Variants in TBP observed in about 807,000 individuals in gnomAD.
TBP encodes the protein TATA-box binding protein, also known as TATA-box-binding protein.
A neutral mutation model predicts 46.2 loss-of-function variants in TBP; 12 were observed. The observed-to-expected ratio is 0.26, with a 90% CI of 0.17 to 0.42. TBP has a LOEUF of 0.42. TBP is among the 10% of genes least tolerant of loss of function. The probability of loss-of-function intolerance (pLI) is 1.00; values close to 1 mark genes in which losing one functional copy is unlikely to be tolerated. For missense variants in TBP, 229 were observed against 403.1 expected (o/e 0.57, Z 3.70); for synonymous variants, 157 against 148.3 (o/e 1.06, Z -0.42).
chr6:170,569,340 A>T (rs1186420883), intron 5 of TBP, among the ~76,000 whole-genome samples: 1 of 152,230 alleles, frequency 6.6e-6, no homozygotes, highest in Non-Finnish European at 1.5e-5. Flanking sequence ...GTGATGACTG[A>T]TGATGGTGAT....
chr6:170,556,525 T>C (rs986810139), intron 1 of TBP, among the ~76,000 whole-genome samples: 2 of 152,224 alleles, frequency 1.3e-5, no homozygotes, highest in African/African-American at 4.8e-5. Context: ...AACAGTGCTG[T>C]GTATACAGTG....
rs749884185 is a variant in TBP, at chr6:170,562,033, T to A, written c.297T>A (p.Ala99=). Residue 99 remains alanine (A), a synonymous_variant, in exon 3 of 8, where the codon GCT becomes GCA. Coordinates refer to ENST00000392092, the MANE Select transcript of TBP (RefSeq NM_003194.5). Reference sequence around the variant, plus strand: ...AGCAGCAGCAACAGGCAGTGGCAGCTGCAGCCGTTCAGCAGTCAACGTCCC... The same window carrying A: ...AGCAGCAGCAACAGGCAGTGGCAGCAGCAGCCGTTCAGCAGTCAACGTCCC... ...QQQQQQQAVA[A]AAVQQSTSQQ... The A allele has an allele frequency of 6.8e-6, 11 of 1,612,148 alleles. No homozygotes were observed. The highest frequency in any genetic ancestry group is 2.2e-5 in the East Asian group (1 of 44,794).
chr6:170,558,252 G>T (rs1490394055), intron 2 of TBP, among the ~76,000 whole-genome samples: 1 of 152,208 alleles, frequency 6.6e-6, no homozygotes, highest in African/African-American at 2.4e-5. Context: ...ATTGGTATAT[G>T]TATAACTTTA....
intron 4 of TBP, 51 bp from the exon 5 acceptor site, chr6:170,566,867 C>T: frequency 6.4e-7 from 1 of 1,561,506 alleles, no homozygotes; most frequent in Non-Finnish European, 8.8e-7. Context: ...CGCCTAACAA[C>T]ATTGAGCAGT....
At chr6:170,569,469 G>T in intron 5 of TBP, 143 bp from the exon 6 acceptor site, 2 of 595,804 alleles carry the variant, frequency 3.4e-6, no homozygotes, top group South Asian at 2.9e-5. Flanking sequence ...GTGAATGCCT[G>T]TCAGTCTTTT....
In TBP at chr6:170,564,608, C is replaced by A; in HGVS notation, c.561C>A (p.Ala187=). The A allele has an allele frequency of 6.2e-7, 1 of 1,610,198 alleles. No homozygotes were observed. The highest frequency in any genetic ancestry group is 1.1e-5 in the South Asian group (1 of 90,450). The change falls in exon 4 of 8, where the codon GCC becomes GCA. Residue 187 remains alanine, a synonymous_variant. Transcript: ENST00000392092. ...ACCTAAAGACCATTGCACTTCGTGC[C>A]CGAAACGCCGAATATAATCCCAAGG... is the stretch of plus-strand genomic sequence containing the variant. ...KLDLKTIALR[A]RNAEYNPKRF...
At chr6:170,563,853 G>GTTTAAAT (rs1250535496) in intron 3 of TBP, among the ~76,000 whole-genome samples, 5 of 152,112 alleles carry the variant, frequency 3.3e-5, no homozygotes, top group African/African-American at 1.2e-4. Context: ...ATGTGGGTTT[G>GTTTAAAT]TTGTTTAAAT....
At chr6:170,557,211 T>C in intron 2 of TBP, 128 bp downstream of exon 2, 2 of 878,798 alleles carry the variant, frequency 2.3e-6, no homozygotes, top group Non-Finnish European at 3.6e-6. Context: ...TTAAGCCTTA[T>C]TTTGTTGAGA....
intron 4 of TBP, among the ~76,000 whole-genome samples, chr6:170,566,085 AATT>A (rs1779241515): frequency 6.6e-6 from 1 of 152,164 alleles, no homozygotes; most frequent in Non-Finnish European, 1.5e-5. Context: ...TAAAAAAAAA[AATT>A]AATAAAATAA....
chr6:170,555,441 C>T (rs1402438291), intron 1 of TBP, among the ~76,000 whole-genome samples: 1 of 152,150 alleles, frequency 6.6e-6, no homozygotes, highest in African/African-American at 2.4e-5. Context: ...TAGTATGAGC[C>T]CACCAATATG....
At chr6:170,556,461 C>T (rs1326101577) in intron 1 of TBP, among the ~76,000 whole-genome samples, 2 of 151,514 alleles carry the variant, frequency 1.3e-5, no homozygotes, top group Non-Finnish European at 2.9e-5. Context: ...ATTTTTTGCC[C>T]AAGACATTGT....
intron 2 of TBP, among the ~76,000 whole-genome samples, chr6:170,557,886 T>C (rs1383901255): frequency 6.6e-6 from 1 of 152,190 alleles, no homozygotes; most frequent in Non-Finnish European, 1.5e-5. Context: ...TTCCCCTTTA[T>C]AGTCACTCTG....
intron 2 of TBP, among the ~76,000 whole-genome samples, chr6:170,557,457 G>A (rs1029070101): frequency 3.9e-5 from 6 of 152,036 alleles, no homozygotes; most frequent in Non-Finnish European, 8.8e-5. Context: ...TTTTCAGCCT[G>A]GGTGCAGTGG....
rs141003941 is a variant in TBP, at chr6:170,558,883, G to A, written c.54+1800G>A. Among the ~76,000 whole-genome samples the A allele has an allele frequency of 6.5e-3, 992 of 152,008 alleles. 9 individuals carry two copies. The highest frequency in any genetic ancestry group is 0.023 in the African/African-American group (960 of 41,460). ...TAAATTTTGTATTTTTAGTGGAGAC[G>A]GAGTTTCACCATGCTGGTGTCAAAC... On this transcript the variant is annotated intron_variant, in intron 2 of 7. Transcript: ENST00000392092.
chr6:170,557,215 G>A, intron 2 of TBP, 132 bp downstream of exon 2: 5 of 825,260 alleles, frequency 6.1e-6, no homozygotes, highest in Non-Finnish European at 9.7e-6. Flanking sequence ...GCCTTATTTT[G>A]TTGAGAAGTT....
rs553066251 is a variant in TBP at position 170,562,521 on chromosome 6, C to T, written c.497+288C>T. On this transcript the variant is annotated intron_variant, in intron 3 of 7. Coordinates refer to ENST00000392092, the MANE Select transcript of TBP (RefSeq NM_003194.5). ...ACTGTCGTTATTATTATATTATAGACATTTCCCTGTATCTGATATCGCTAA... is the reference window on the plus strand; with the variant it reads ...ACTGTCGTTATTATTATATTATAGATATTTCCCTGTATCTGATATCGCTAA... Among the ~76,000 whole-genome samples the T allele has an allele frequency of 2.6e-5, 4 of 152,246 alleles. No individual in the cohort carries two copies. The South Asian group carries it at 8.3e-4, about 32-fold the overall frequency.
chr6:170,572,153 GTC>G (rs1450189530), intron 7 of TBP, 31 bp from the exon 8 acceptor site: 9 of 1,545,822 alleles, frequency 5.8e-6, no homozygotes, highest in Non-Finnish European at 8.0e-6. Context: ...TGCCATTTCA[GTC>G]TCTCATCTCT....
At chr6:170,559,804 C>G (rs1481302232) in intron 2 of TBP, among the ~76,000 whole-genome samples, 2 of 152,184 alleles carry the variant, frequency 1.3e-5, no homozygotes, top group African/African-American at 4.8e-5. Context: ...GAGGAGAAAT[C>G]AGTGCCTAGC....
At position 170,564,563 on chromosome 6, in the gene TBP, G is replaced by A; in HGVS notation, c.516G>A (p.Val172=). The A allele has an allele frequency of 1.2e-6, 2 of 1,607,944 alleles. No individual in the cohort carries two copies. The highest frequency in any genetic ancestry group is 1.7e-4 in the Middle Eastern group (1 of 6,048). The change falls in exon 4 of 8, where the codon GTG becomes GTA. Residue 172 remains valine (V), a synonymous_variant. Coordinates refer to ENST00000392092, the MANE Select transcript of TBP (RefSeq NM_003194.5). ...VPQLQNIVST[V]NLGCKLDLKT... ...CTTACAGAAATATTGTATCCACAGT[G>A]AATCTTGGTTGTAAACTTGACCTAA... is the stretch of plus-strand genomic sequence containing the variant.
Sources: gnomAD v4.1 joint callset for allele counts (sites outside exome capture counted in the v4.1 genomes callset) on GRCh38, gnomAD v4.1.1 for gene constraint, MANE v1.5 for transcripts, NCBI Gene and HGNC (gene_info 2026-07-23, HGNC 2026-07-21) for gene names.